The following TXLNB variants were observed in gnomAD, a reference collection of about 807,000 sequenced individuals.
TXLNB encodes the protein taxilin beta.
In TXLNB, 37 loss-of-function variants were observed where a neutral mutation model predicts 57.4. The observed-to-expected ratio is 0.64, with a 90% CI of 0.50 to 0.85. TXLNB has a LOEUF of 0.85. Among genes scored for constraint, TXLNB ranks in the 40% least tolerant of loss-of-function variants. The probability of loss-of-function intolerance (pLI) is 0.00; values close to 1 mark genes in which losing one functional copy is unlikely to be tolerated. For missense variants in TXLNB, 848 were observed against 825.6 expected, an observed-to-expected ratio of 1.03 and a Z score of -0.33; for synonymous variants, 302 against 309.6, an observed-to-expected ratio of 0.98 and a Z score of 0.26.
chr6:139,167,033 G>A, the TXLNB span: 6 of 1,614,174 alleles, frequency 3.7e-6, no homozygotes, highest in East Asian at 2.2e-5. Context: ...CGACACCCCC[G>A]TGCAGTTCCT....
At chr6:139,301,418 G>A in the TXLNB span, among the ~76,000 whole-genome samples, 4 of 152,178 alleles carry the variant, frequency 2.6e-5, no homozygotes, top group Non-Finnish European at 5.9e-5. Context: ...TGACATGAGT[G>A]TGTGAGTAAG....
the TXLNB span, among the ~76,000 whole-genome samples, chr6:139,162,327 A>G: frequency 1.3e-5 from 2 of 152,202 alleles, no homozygotes; most frequent in Admixed American, 6.5e-5. Flanking sequence ...ACTAGATGCC[A>G]GGTGCTTTCT....
the TXLNB span, among the ~76,000 whole-genome samples, chr6:139,300,844 G>C: frequency 6.6e-6 from 1 of 152,120 alleles, no homozygotes; most frequent in Non-Finnish European, 1.5e-5. Context: ...GCAGTGAGCC[G>C]AGATTGCACC....
the TXLNB span, among the ~76,000 whole-genome samples, chr6:139,306,696 G>C: frequency 6.6e-6 from 1 of 152,112 alleles, no homozygotes; most frequent in Non-Finnish European, 1.5e-5. Context: ...TCCTGCTACA[G>C]TTCATCCCTG....
chr6:139,184,419 A>G, the TXLNB span, among the ~76,000 whole-genome samples: 1 of 152,276 alleles, frequency 6.6e-6, no homozygotes, highest in East Asian at 1.9e-4. Flanking sequence ...AGTGATGAGC[A>G]CATTGGAAGC....
At chr6:139,276,229 T>C (rs1431490720) in intron 3 of TXLNB, among the ~76,000 whole-genome samples, 1 of 152,226 alleles carries the variant, frequency 6.6e-6, no homozygotes, top group Non-Finnish European at 1.5e-5. Context: ...CTCAGGCAAC[T>C]GACTAACTTT....
the TXLNB span, among the ~76,000 whole-genome samples, chr6:139,195,613 C>G: frequency 3.3e-5 from 5 of 152,140 alleles, no homozygotes; most frequent in Admixed American, 6.5e-5. Context: ...TCCATCTTTA[C>G]AAAATTGCAT....
the TXLNB span, among the ~76,000 whole-genome samples, chr6:139,234,785 G>C: frequency 1.8e-4 from 27 of 152,182 alleles, no homozygotes; most frequent in Non-Finnish European, 1.5e-5. Flanking sequence ...GCGTGGAGCT[G>C]TGAGAAGCGG....
intron 6 of TXLNB, among the ~76,000 whole-genome samples, chr6:139,258,334 G>A (rs567660667): frequency 2.6e-5 from 4 of 152,116 alleles, no homozygotes; most frequent in South Asian, 2.1e-4. Flanking sequence ...TTCATGTCTC[G>A]TGTTATACAG....
upstream of TXLNB, among the ~76,000 whole-genome samples, chr6:139,296,409 C>G (rs1352790511): frequency 3.3e-5 from 5 of 152,082 alleles, no homozygotes; most frequent in African/African-American, 1.2e-4. Context: ...CATTCTTATT[C>G]CTAATCCTTT....
chr6:139,216,946 A>G, the TXLNB span, among the ~76,000 whole-genome samples: 6 of 152,226 alleles, frequency 3.9e-5, no homozygotes, highest in Non-Finnish European at 8.8e-5. Flanking sequence ...ATGCACCAAA[A>G]TCTCAGAAAT....
At chr6:139,321,147 G>T in the TXLNB span, among the ~76,000 whole-genome samples, 1 of 152,138 alleles carries the variant, frequency 6.6e-6, no homozygotes, top group African/African-American at 2.4e-5. Context: ...GAAGTGCCCC[G>T]GGGTTCCGTC....
In TXLNB at chr6:139,276,851, T is replaced by A. The variant is rs1280754878; in HGVS notation, c.495A>T (p.Leu165Phe). The A allele has an allele frequency of 6.2e-7, 1 of 1,606,502 alleles. No individual in the cohort carries two copies. Among genetic ancestry groups the A allele is most frequent in the East Asian group, 2.2e-5 (1 of 44,690 alleles). Residue 165 changes from leucine to phenylalanine, a missense_variant, in exon 3 of 10, where the codon TTA becomes TTT. Coordinates refer to ENST00000358430, the MANE Select transcript of TXLNB (RefSeq NM_153235.4). ...TTACCAATTCAGCATACTTCTTGAATAAAAAATCAAACTTTTCTTCCGGTG... is the reference window on the plus strand; with the variant it reads ...TTACCAATTCAGCATACTTCTTGAAAAAAAAATCAAACTTTTCTTCCGGTG... ...LQTPEEKFDF[L>F]FKKYAELLDE...
At chr6:139,248,986 T>G (rs1776130734) in intron 7 of TXLNB, among the ~76,000 whole-genome samples, 1 of 152,252 alleles carries the variant, frequency 6.6e-6, no homozygotes, top group African/African-American at 2.4e-5. Context: ...ATGTCCCTTT[T>G]TATCAAAATC....
the TXLNB span, among the ~76,000 whole-genome samples, chr6:139,203,915 T>C: frequency 1.3e-5 from 2 of 152,226 alleles, no homozygotes; most frequent in African/African-American, 4.8e-5. Flanking sequence ...TTCTGGTATA[T>C]GTATGAATTT....
the TXLNB span, among the ~76,000 whole-genome samples, chr6:139,231,093 G>A: frequency 2.0e-5 from 3 of 151,978 alleles, no homozygotes; most frequent in Non-Finnish European, 2.9e-5. Context: ...ATATTCATAC[G>A]TACCCTCACA....
At chr6:139,259,708 T>C (rs576528691) in intron 6 of TXLNB, among the ~76,000 whole-genome samples, 2 of 152,308 alleles carry the variant, frequency 1.3e-5, no homozygotes, top group South Asian at 4.1e-4. Context: ...ATCTCCATAG[T>C]GGGAGATGCC....
At chr6:139,172,581 C>T in the TXLNB span, among the ~76,000 whole-genome samples, 18 of 152,268 alleles carry the variant, frequency 1.2e-4, no homozygotes, top group Admixed American at 5.9e-4. Context: ...TCTGAAGAAT[C>T]GGCTTTTTGT....
At position 139,241,914 on chromosome 6, in the gene TXLNB, T is replaced by C. The variant is rs1775942850; in HGVS notation, c.*612A>G. Reference sequence around the variant, plus strand: ...ATCATTTTTTTGATTAGCATCTAAATATTCTGCATTGAGAAAAATGCATTA... The same window carrying C: ...ATCATTTTTTTGATTAGCATCTAAACATTCTGCATTGAGAAAAATGCATTA... On this transcript the variant is annotated 3_prime_UTR_variant, in exon 10 of 10. Transcript: ENST00000358430. 1 of 152,208 alleles carries C rather than the reference T, an allele frequency of 6.6e-6. No homozygotes were observed. Among genetic ancestry groups the C allele is most frequent in the Non-Finnish European group, 1.5e-5 (1 of 68,034 alleles). The allele number at this position is 152,208 out of a possible 1,614,324, so 9.4% of individuals were successfully genotyped here.
Sources: gnomAD v4.1 joint callset for allele counts (sites outside exome capture counted in the v4.1 genomes callset) on GRCh38, gnomAD v4.1.1 for gene constraint, MANE v1.5 for transcripts, NCBI Gene and HGNC (gene_info 2026-07-23, HGNC 2026-07-21) for gene names.